Variants in HAGH observed in about 807,000 individuals in gnomAD.
The protein encoded by HAGH is hydroxyacylglutathione hydrolase, mitochondrial.
In HAGH, 29 loss-of-function variants were observed where a neutral mutation model predicts 35.1. That is an observed-to-expected ratio of 0.83 (90% CI 0.62 to 1.13). The LOEUF is 1.13. HAGH is among the 50% of genes most tolerant of loss of function. The pLI is 0.00. For synonymous variants in HAGH, 225 were observed against 176.1 expected (o/e 1.28, Z -2.20); for missense variants, 478 against 419.6 (o/e 1.14, Z -1.22).
At chr16:1,824,679 C>A (rs1898315031) in intron 1 of HAGH, among the ~76,000 whole-genome samples, 1 of 152,204 alleles carries the variant, frequency 6.6e-6, no homozygotes, top group South Asian at 2.1e-4. Context: ...GTCTCCAGGG[C>A]CCACCGAAAT....
Position 1,817,180 on chromosome 16 carries a change from G to C in HAGH, c.633C>G (p.Leu211=). The C allele has an allele frequency of 3.1e-6, 5 of 1,607,796 alleles. No homozygotes were observed. Among genetic ancestry groups the C allele is most frequent in the Non-Finnish European group, 4.3e-6 (5 of 1,174,324 alleles). Reference sequence around the variant, plus strand: ...AGGCGCTGCCTACTGTGTCCGGGGGGAGCCGGCCCAAGACCTCCAGCAGAG... The same window carrying C: ...AGGCGCTGCCTACTGTGTCCGGGGGCAGCCGGCCCAAGACCTCCAGCAGAG... ...CKALLEVLGR[L]PPDTRVYCGH... is the part of the protein sequence containing the mutation. Residue 211 remains leucine, a synonymous_variant, in exon 6 of 9, where the codon CTC becomes CTG. Transcript: ENST00000397356.
intron 8 of HAGH, 105 bp downstream of exon 8, chr16:1,809,649 A>C (rs1376503651): frequency 1.1e-6 from 1 of 869,834 alleles, no homozygotes; most frequent in Non-Finnish European, 1.9e-6. Context: ...ACAGCTCCCC[A>C]AGGCAGCCTC....
intron 4 of HAGH, among the ~76,000 whole-genome samples, chr16:1,819,484 C>T (rs1331102125): frequency 2.0e-5 from 3 of 152,218 alleles, no homozygotes; most frequent in South Asian, 2.1e-4. Context: ...GCCAAATCCA[C>T]GCTCGCCGTC....
chr16:1,812,874 G>A (rs1041974936), intron 7 of HAGH, among the ~76,000 whole-genome samples: 3 of 151,494 alleles, frequency 2.0e-5, no homozygotes, highest in Non-Finnish European at 2.9e-5. Context: ...TGGCTCCACC[G>A]CGTGGGCTGG....
chr16:1,825,021 T>A (rs1327792043), intron 1 of HAGH, among the ~76,000 whole-genome samples: 1 of 152,086 alleles, frequency 6.6e-6, no homozygotes, highest in Non-Finnish European at 1.5e-5. Flanking sequence ...AGCAGAACAT[T>A]ACAAACAAAA....
chr16:1,811,778 C>T (rs1897658557), intron 7 of HAGH, among the ~76,000 whole-genome samples: 1 of 152,132 alleles, frequency 6.6e-6, no homozygotes, highest in Non-Finnish European at 1.5e-5. Context: ...AGCTCCACCT[C>T]GTGTGGGTTC....
At chr16:1,826,958 C>G (rs965030710), upstream of HAGH, 1 of 617,674 alleles carries the variant, frequency 1.6e-6, no homozygotes, top group East Asian at 3.1e-5. Flanking sequence ...GTCCGCGAGC[C>G]CCGACTGCCA....
Position 1,807,926 on chromosome 16 carries a change from C to A in HAGH, c.*1357G>T, listed in dbSNP as rs903135815. ...GCTCCTAGGTCCCAGGGCCGCTCTG[C>A]CCCTCCACTCAGAAGAGTCTGTCTA... On this transcript the variant is annotated 3_prime_UTR_variant, in exon 9 of 9. Transcript: ENST00000397356. The A allele has an allele frequency of 2.6e-5, 4 of 152,240 alleles. No individual in the cohort carries two copies. The highest frequency in any genetic ancestry group is 9.7e-5 in the African/African-American group (4 of 41,448). 9.4% of individuals were successfully genotyped at this position (152,240 alleles called of 1,614,324 possible).
chr16:1,809,392 C>G lies in HAGH; in HGVS notation c.828-10G>C. On this transcript the variant is annotated splice_polypyrimidine_tract_variant and intron_variant, in intron 8 of 8. Transcript: ENST00000397356. ...CTGCACCGTCTTCTCCCTGCGGAGG[C>G]CAGCACCGGGCTGCAGGCTGTGCCG... 5 of 1,603,556 alleles carry G rather than the reference C, an allele frequency of 3.1e-6. No homozygotes were observed. The highest frequency in any genetic ancestry group is 4.3e-6 in the Non-Finnish European group (5 of 1,176,110).
At chr16:1,818,756 A>C in intron 5 of HAGH, 1 of 219,806 alleles carries the variant, frequency 4.5e-6, no homozygotes, top group Non-Finnish European at 9.2e-6. Flanking sequence ...CCCCCAGACT[A>C]GCACAGGTCC....
At position 1,826,580 on chromosome 16, in the gene HAGH, C is replaced by A. The variant is rs1037426298; in HGVS notation, c.76+132G>T. On this transcript the variant is annotated intron_variant, in intron 1 of 8. Transcript: ENST00000397356. ...AGCGCCTGCGCCGCCTCCGCTCGAG[C>A]CCGGCAGCGCGGCCTTAGGCACCTG... 6.1e-6 allele frequency: 6 copies of A among 981,640 alleles called. No homozygotes were observed. In the African/African-American group the frequency reaches 1.1e-4, roughly 18 times the overall value. 60.8% of individuals were successfully genotyped at this position (981,640 alleles called of 1,614,324 possible).
At position 1,817,082 on chromosome 16, in the gene HAGH, G is replaced by A. The variant is rs1018645765; in HGVS notation, c.645+86C>T. 3.1e-5 allele frequency: 41 copies of A among 1,325,334 alleles called. No homozygotes were observed. The Admixed American group carries it at 6.6e-4, about 21-fold the overall frequency. 82.1% of individuals were successfully genotyped at this position (1,325,334 alleles called of 1,614,324 possible). A position where few individuals can be genotyped will look rare whatever the true frequency, so the allele number is the denominator to read the frequency against. On this transcript the variant is annotated intron_variant, in intron 6 of 8. Coordinates refer to ENST00000397356, the MANE Select transcript of HAGH (RefSeq NM_005326.6). ...CGGGACCTGGATGCCCCCGGGGGGT[G>A]TCCGGTGAGAGGGTGCCAGGAGGGA...
intron 7 of HAGH, among the ~76,000 whole-genome samples, chr16:1,811,271 G>A (rs545617011): frequency 1.2e-4 from 19 of 152,094 alleles, no homozygotes; most frequent in South Asian, 1.0e-3. Context: ...AAAATCAGCC[G>A]GGTGTGGTGG....
In HAGH at chr16:1,809,158, A is replaced by G. The variant is rs578178083; in HGVS notation, c.*125T>C. The G allele has an allele frequency of 3.0e-5, 20 of 677,420 alleles. No homozygotes were observed. The Admixed American group carries it at 4.7e-4, about 16-fold the overall frequency. The allele number at this position is 677,420 out of a possible 1,614,324, so 42.0% of individuals were successfully genotyped here. On this transcript the variant is annotated 3_prime_UTR_variant, in exon 9 of 9. Coordinates refer to ENST00000397356, the MANE Select transcript of HAGH (RefSeq NM_005326.6). ...TTATAAATATGCATTAGAATGTCCGATAACACAAGCCAAGGGCTGTAAAAT... is the reference window on the plus strand; with the variant it reads ...TTATAAATATGCATTAGAATGTCCGGTAACACAAGCCAAGGGCTGTAAAAT...
chr16:1,816,301 T>TATA (rs1897890359), intron 7 of HAGH, among the ~76,000 whole-genome samples: 1 of 151,416 alleles, frequency 6.6e-6, no homozygotes, highest in African/African-American at 2.4e-5. Flanking sequence ...AATGTTAACC[T>TATA]CTACTCTAAG....
intron 7 of HAGH, among the ~76,000 whole-genome samples, chr16:1,815,965 G>A (rs1350972930): frequency 2.5e-4 from 29 of 116,024 alleles, no homozygotes; most frequent in East Asian, 1.5e-3. Context: ...TTTTTGAGAC[G>A]GAGTCTCGCT....
At chr16:1,812,562 A>G (rs909832518) in intron 7 of HAGH, 12 of 152,062 alleles carry the variant, frequency 7.9e-5, no homozygotes, top group African/African-American at 2.9e-4. Context: ...GAATGAAAGC[A>G]GGAATATCAT....
intron 7 of HAGH, chr16:1,812,502 CT>C (rs1390703943): frequency 6.7e-5 from 1 of 14,908 alleles, no homozygotes; most frequent in African/African-American, 1.3e-4. Context: ...GAAACGCTGT[CT>C]CAAAAAAAAA....
At position 1,811,912 on chromosome 16, in the gene HAGH, G is replaced by C. The variant is rs148662368; in HGVS notation, c.748-2079C>G. Among the ~76,000 whole-genome samples, 23 of 152,034 alleles carry C rather than the reference G, an allele frequency of 1.5e-4. No homozygotes were observed. The East Asian group carries it at 4.3e-3, about 28-fold the overall frequency. ...TACACCTATCAAAAAGAATGAGGCC[G>C]GGTGTGGTTGGCACATGCCTGTAAT... On this transcript the variant is annotated intron_variant, in intron 7 of 8. Transcript: ENST00000397356.
Sources: allele counts gnomAD v4.1 joint callset (sites outside exome capture counted in the v4.1 genomes callset), GRCh38; gene constraint gnomAD v4.1.1; transcripts MANE v1.5; gene names NCBI Gene and HGNC (gene_info 2026-07-23, HGNC 2026-07-21).